ERGIC2: variants seen among roughly 807,000 people sequenced by gnomAD.
ERGIC2 encodes endoplasmic reticulum-Golgi intermediate compartment protein 2.
Under a neutral mutation model 52.5 loss-of-function variants are expected in ERGIC2, and 31 were observed. That is an observed-to-expected ratio of 0.59 (90% CI 0.44 to 0.80). ERGIC2 has a LOEUF of 0.80. Ranked by LOEUF, ERGIC2 falls within the 30% of genes least tolerant of loss-of-function variation. The probability of loss-of-function intolerance (pLI) is 0.00; values close to 1 mark genes in which losing one functional copy is unlikely to be tolerated. For missense variants in ERGIC2, 395 were observed against 455.2 expected (o/e 0.87, Z 1.20); for synonymous variants, 129 against 140.6 (o/e 0.92, Z 0.58).
chr12:29,372,100 G>A (rs1461648060), intron 1 of ERGIC2, among the ~76,000 whole-genome samples: 3 of 152,142 alleles, frequency 2.0e-5, no homozygotes, highest in Admixed American at 6.5e-5. Flanking sequence ...AGTACTTTGG[G>A]AGGCCGAGGC....
chr12:29,380,711 TG>T (rs1188607899), intron 1 of ERGIC2: 1 of 152,184 alleles, frequency 6.6e-6, no homozygotes. Context: ...TTTGTCTGAA[TG>T]GGGGTAGGGA....
chr12:29,354,496 ATT>A (rs1286143139), intron 8 of ERGIC2, among the ~76,000 whole-genome samples: 1 of 152,202 alleles, frequency 6.6e-6, no homozygotes, highest in African/African-American at 2.4e-5. Flanking sequence ...TGAAATACAT[ATT>A]GTGTTACAAA....
chr12:29,370,604 GCTT>G (rs1055586423), intron 2 of ERGIC2, among the ~76,000 whole-genome samples: 3 of 151,824 alleles, frequency 2.0e-5, no homozygotes, highest in Admixed American at 2.0e-4. Flanking sequence ...GAAAACAGTT[GCTT>G]CATTATTAAA....
intron 10 of ERGIC2, among the ~76,000 whole-genome samples, chr12:29,346,176 T>C (rs1178900077): frequency 2.0e-5 from 3 of 151,242 alleles, no homozygotes; most frequent in African/African-American, 4.9e-5. Context: ...TATGGAAAAG[T>C]AGCATTTTTC....
In ERGIC2 at chr12:29,340,830, C is replaced by A; in HGVS notation, c.*326G>T. ...TAGATGTAGTTTCACTTATTTCCTT[C>A]AGGCTTTTTATCAGCAAGAAGCAAT... On this transcript the variant is annotated 3_prime_UTR_variant, in exon 14 of 14. Coordinates refer to ENST00000360150, the MANE Select transcript of ERGIC2 (RefSeq NM_016570.3). The A allele has an allele frequency of 2.3e-6, 1 of 440,006 alleles. No individual in the cohort carries two copies. The highest frequency in any genetic ancestry group is 4.4e-6 in the Non-Finnish European group (1 of 229,826). 27.3% of individuals were successfully genotyped at this position (440,006 alleles called of 1,614,324 possible). A position where few individuals can be genotyped will look rare whatever the true frequency, so the allele number is the denominator to read the frequency against.
rs1361299885 is a variant in ERGIC2, at chr12:29,340,788, T to C, written c.*368A>G. Reference sequence around the variant, plus strand: ...GGATGCGAACATTTGCACTTCTCAATGTTTTTTTTTTTCCCATAGATGTAG... The same window carrying C: ...GGATGCGAACATTTGCACTTCTCAACGTTTTTTTTTTTCCCATAGATGTAG... On this transcript the variant is annotated 3_prime_UTR_variant, in exon 14 of 14. Transcript: ENST00000360150. The C allele has an allele frequency of 4.7e-6, 2 of 424,578 alleles. No individual in the cohort carries two copies. The highest frequency in any genetic ancestry group is 1.7e-5 in the South Asian group (1 of 57,170). 26.3% of individuals were successfully genotyped at this position (424,578 alleles called of 1,614,324 possible). A position where few individuals can be genotyped will look rare whatever the true frequency, so the allele number is the denominator to read the frequency against.
chr12:29,345,649 C>T (rs1940037710), intron 10 of ERGIC2, 109 bp from the exon 11 acceptor site: 2 of 702,326 alleles, frequency 2.8e-6, no homozygotes, highest in South Asian at 3.0e-5. Flanking sequence ...TGTGGTGGCT[C>T]ACACCTGTAA....
At chr12:29,351,667 C>T (rs1485136792) in intron 8 of ERGIC2, among the ~76,000 whole-genome samples, 1 of 152,084 alleles carries the variant, frequency 6.6e-6, no homozygotes, top group East Asian at 1.9e-4. Flanking sequence ...TTGTCTAAAG[C>T]AAATTTATTT....
At chr12:29,348,612 C>T (rs1261697249) in intron 10 of ERGIC2, among the ~76,000 whole-genome samples, 1 of 151,940 alleles carries the variant, frequency 6.6e-6, no homozygotes, top group Non-Finnish European at 1.5e-5. Flanking sequence ...CCAAACCATT[C>T]CAGAATAACT....
chr12:29,356,918 G>A (rs1292349130), intron 7 of ERGIC2, among the ~76,000 whole-genome samples: 1 of 151,620 alleles, frequency 6.6e-6, no homozygotes, highest in Non-Finnish European at 1.5e-5. Context: ...GTAAAATCTT[G>A]TATATTTTTA....
intron 11 of ERGIC2, among the ~76,000 whole-genome samples, chr12:29,343,806 T>C (rs976155846): frequency 1.6e-4 from 24 of 152,154 alleles, no homozygotes; most frequent in Non-Finnish European, 2.4e-4. Flanking sequence ...AAATATATTG[T>C]CACTACCTAT....
rs1388435799 is a variant in ERGIC2, at chr12:29,338,388, TA to T, written c.*2767del. ...TGCCAGGTGCAGTGGCTCGTGCCTA[TA>T]ATTCCAGCAATGCAGGAGACTAAGG... On this transcript the variant is annotated 3_prime_UTR_variant, in exon 14 of 14. Coordinates refer to ENST00000360150, the MANE Select transcript of ERGIC2 (RefSeq NM_016570.3). 6.6e-6 allele frequency: 1 copy of T among 152,160 alleles called. No homozygotes were observed. Among genetic ancestry groups the T allele is most frequent in the African/African-American group, 2.4e-5 (1 of 41,430 alleles). The allele number at this position is 152,160 out of a possible 1,614,324, so 9.4% of individuals were successfully genotyped here.
intron 8 of ERGIC2, among the ~76,000 whole-genome samples, chr12:29,356,078 G>A (rs1940199497): frequency 6.6e-6 from 1 of 151,776 alleles, no homozygotes. Flanking sequence ...CTGTAGTGCA[G>A]TGGCGCGATC....
intron 4 of ERGIC2, among the ~76,000 whole-genome samples, chr12:29,367,583 A>T (rs1315139593): frequency 2.0e-5 from 3 of 151,864 alleles, no homozygotes; most frequent in Admixed American, 6.6e-5. Flanking sequence ...TCTCACAGAA[A>T]ATAACCTCTA....
Position 29,366,978 on chromosome 12 carries a change from A to G in ERGIC2, c.263-31T>C, listed in dbSNP as rs747152160. On this transcript the variant is annotated intron_variant, in intron 4 of 13. Coordinates refer to ENST00000360150, the MANE Select transcript of ERGIC2 (RefSeq NM_016570.3). Reference sequence around the variant, plus strand: ...TAGAAAAAAGAATTAGAAGTTTTACATTCTATGCTTGGAGGCAAACCATCC... The same window carrying G: ...TAGAAAAAAGAATTAGAAGTTTTACGTTCTATGCTTGGAGGCAAACCATCC... 10 of 1,458,238 alleles carry G rather than the reference A, an allele frequency of 6.9e-6. No individual in the cohort carries two copies. In the South Asian group the frequency reaches 1.0e-4, roughly 15 times the overall value. 90.3% of individuals were successfully genotyped at this position (1,458,238 alleles called of 1,614,324 possible).
At chr12:29,374,022 C>T (rs1940480996) in intron 1 of ERGIC2, among the ~76,000 whole-genome samples, 1 of 152,118 alleles carries the variant, frequency 6.6e-6, no homozygotes, top group South Asian at 2.1e-4. Flanking sequence ...TATTAAATAT[C>T]TGTATGTCTC....
At chr12:29,363,449 A>T (rs951227685) in intron 5 of ERGIC2, among the ~76,000 whole-genome samples, 5 of 152,020 alleles carry the variant, frequency 3.3e-5, no homozygotes, top group Non-Finnish European at 5.9e-5. Flanking sequence ...ATTAGCACAA[A>T]GGAATGAATA....
At chr12:29,350,397 C>CT (rs1301127624) in intron 8 of ERGIC2, among the ~76,000 whole-genome samples, 3 of 151,576 alleles carry the variant, frequency 2.0e-5, no homozygotes, top group East Asian at 1.9e-4. Context: ...GTAATGAGTC[C>CT]TTTTTTTTGT....
intron 13 of ERGIC2, 118 bp from the exon 14 acceptor site, chr12:29,341,336 T>C: frequency 1.5e-6 from 1 of 676,544 alleles, no homozygotes; most frequent in Non-Finnish European, 2.5e-6. Context: ...AGCTACTATT[T>C]CTCTCTCTCT....
Sources: gnomAD v4.1 joint callset for allele counts (sites outside exome capture counted in the v4.1 genomes callset) on GRCh38, gnomAD v4.1.1 for gene constraint, MANE v1.5 for transcripts, NCBI Gene and HGNC (gene_info 2026-07-23, HGNC 2026-07-21) for gene names.